SDC2: variants seen among roughly 807,000 people sequenced by gnomAD.
The protein encoded by SDC2 is syndecan 2.
In SDC2, 13 loss-of-function variants were observed where a neutral mutation model predicts 22.2. The observed-to-expected ratio is 0.59, with a 90% CI of 0.38 to 0.93. SDC2 has a LOEUF of 0.93. Among genes scored for constraint, SDC2 ranks in the 40% least tolerant of loss-of-function variants. The pLI, the probability that SDC2 is intolerant of heterozygous loss-of-function variation, is 0.00. For missense variants in SDC2, 235 were observed against 246.8 expected (o/e 0.95, Z 0.32); for synonymous variants, 94 against 92.8 (o/e 1.01, Z -0.07).
At chr8:96,538,478 TAA>T (rs201690146) in intron 1 of SDC2, among the ~76,000 whole-genome samples, 7,336 of 152,196 alleles carry the variant, frequency 0.048, 606 homozygotes, top group African/African-American at 0.16. Context: ...CTGAAGCTTT[TAA>T]AGTCCAATGT....
chr8:96,593,143 A>G (rs2130633058), intron 1 of SDC2, among the ~76,000 whole-genome samples: 1 of 152,396 alleles, frequency 6.6e-6, no homozygotes, highest in African/African-American at 2.4e-5. Context: ...AGAATGCCCA[A>G]GATGGCTTAT....
At position 96,545,140 on chromosome 8, in the gene SDC2, G is replaced by A. The variant is rs534174023; in HGVS notation, c.61-48340G>A. Among the ~76,000 whole-genome samples the A allele has an allele frequency of 2.6e-5, 4 of 152,252 alleles. No individual in the cohort carries two copies. The South Asian group carries it at 8.3e-4, about 32-fold the overall frequency. On this transcript the variant is annotated intron_variant, in intron 1 of 4. Coordinates refer to ENST00000302190, the MANE Select transcript of SDC2 (RefSeq NM_002998.4). ...TGTCATTGCATTAGCTGAGAGAACA[G>A]GTTTTAAGATTTTTAACTCTTCTCT...
intron 2 of SDC2, among the ~76,000 whole-genome samples, chr8:96,595,676 A>G (rs552253400): frequency 6.6e-6 from 1 of 152,304 alleles, no homozygotes; most frequent in South Asian, 2.1e-4. Flanking sequence ...GCTAAGGTTG[A>G]CCTTAAGTCT....
At chr8:96,601,062 G>A (rs906987769) in intron 2 of SDC2, among the ~76,000 whole-genome samples, 45 of 152,294 alleles carry the variant, frequency 3.0e-4, no homozygotes, top group Admixed American at 2.3e-3. Context: ...AGAATAGCCA[G>A]AGAGGTGAGG....
chr8:96,598,607 A>T (rs1260515875), intron 2 of SDC2, among the ~76,000 whole-genome samples: 1 of 152,000 alleles, frequency 6.6e-6, no homozygotes, highest in Non-Finnish European at 1.5e-5. Context: ...GACGAGCAAA[A>T]TTCCATCTCA....
At position 96,532,412 on chromosome 8, in the gene SDC2, G is replaced by GTTTTTTTTTTTTTTTTTTTTTT. The variant is rs35452131; in HGVS notation, c.60+38083_60+38104dup. On this transcript the variant is annotated intron_variant, in intron 1 of 4. Transcript: ENST00000302190. ...CCTGAGTCTCTCTGCTTATTGAGGC[G>GTTTTTTTTTTTTTTTTTTTTTT]TTTTTTTTTTTTTTTTTTTTTTTGG... 3.8e-4 allele frequency among the ~76,000 whole-genome samples: 18 copies of GTTTTTTTTTTTTTTTTTTTTTT among 47,944 alleles called. 4 individuals carry two copies. The highest frequency in any genetic ancestry group is 1.9e-3 in the African/African-American group (18 of 9,556). 31.5% of individuals were successfully genotyped at this position (47,944 alleles called of 152,430 possible). A position where few individuals can be genotyped will look rare whatever the true frequency, so the allele number is the denominator to read the frequency against.
intron 1 of SDC2, among the ~76,000 whole-genome samples, chr8:96,542,914 T>C (rs1813875147): frequency 6.6e-6 from 1 of 152,182 alleles, no homozygotes; most frequent in African/African-American, 2.4e-5. Context: ...TGATAAATAT[T>C]ATTGCTATCC....
At chr8:96,509,755 T>G (rs942431399) in intron 1 of SDC2, among the ~76,000 whole-genome samples, 1 of 152,176 alleles carries the variant, frequency 6.6e-6, no homozygotes, top group Admixed American at 6.5e-5. Flanking sequence ...AGGTAAGATT[T>G]TGTATTCTTA....
chr8:96,608,444 T>G lies in SDC2; in HGVS notation c.416T>G (p.Leu139Arg). 1 of 1,613,192 alleles carries G rather than the reference T, an allele frequency of 6.2e-7. No homozygotes were observed. Residue 139 changes from leucine to arginine, a missense_variant, in exon 4 of 5, where the codon CTG (leucine) becomes CGG (arginine). Coordinates refer to ENST00000302190, the MANE Select transcript of SDC2 (RefSeq NM_002998.4). ...NVYTEKHSDSLFKRTEVLAAV... is the reference protein window; with the variant it reads ...NVYTEKHSDSRFKRTEVLAAV... ...TATACTGAGAAACACTCAGACAGTCTGTTTAAACGGACAGAAGTCCTAGCA... is the reference window on the plus strand; with the variant it reads ...TATACTGAGAAACACTCAGACAGTCGGTTTAAACGGACAGAAGTCCTAGCA...
At chr8:96,524,960 A>T (rs1412884522) in intron 1 of SDC2, among the ~76,000 whole-genome samples, 2 of 152,196 alleles carry the variant, frequency 1.3e-5, no homozygotes, top group Non-Finnish European at 2.9e-5. Context: ...TGAGTGAGAC[A>T]AGACTTTGGC....
intron 1 of SDC2, among the ~76,000 whole-genome samples, chr8:96,539,070 T>A (rs550951441): frequency 6.6e-6 from 1 of 152,260 alleles, no homozygotes; most frequent in Admixed American, 6.5e-5. Flanking sequence ...AAGCAACATA[T>A]AAATTTTGTC....
intron 1 of SDC2, among the ~76,000 whole-genome samples, chr8:96,498,996 G>A (rs1377938647): frequency 3.3e-5 from 5 of 152,090 alleles, no homozygotes; most frequent in South Asian, 2.1e-4. Context: ...AGACACCTCC[G>A]TGTCCTTGTT....
intron 1 of SDC2, among the ~76,000 whole-genome samples, chr8:96,560,322 G>C (rs1323073578): frequency 2.0e-5 from 3 of 152,122 alleles, no homozygotes; most frequent in African/African-American, 7.2e-5. Context: ...TCTTAACTTT[G>C]TGAAATTTAT....
chr8:96,549,050 G>T (rs1277348584), intron 1 of SDC2, among the ~76,000 whole-genome samples: 3 of 152,108 alleles, frequency 2.0e-5, no homozygotes, highest in Non-Finnish European at 2.9e-5. Context: ...GAACTCGAAG[G>T]TGCCTCTGTA....
Position 96,576,368 on chromosome 8 carries a change from G to GTTTTTTTTTTTTT in SDC2, c.61-17107_61-17106insTTTTTTTTTTTTT, listed in dbSNP as rs1481198542. On this transcript the variant is annotated intron_variant, in intron 1 of 4. Transcript: ENST00000302190. ...ACATAAGTTCAATAATTGGTAGTTT[G>GTTTTTTTTTTTTT]TTTTTGTTTTGTTTTGTTTTTTTTT... Among the ~76,000 whole-genome samples, 35 of 16,596 alleles carry GTTTTTTTTTTTTT rather than the reference G, an allele frequency of 2.1e-3. 3 individuals are homozygous for GTTTTTTTTTTTTT. The highest frequency in any genetic ancestry group is 4.0e-3 in the African/African-American group (32 of 8,006). 10.9% of individuals were successfully genotyped at this position (16,596 alleles called of 152,430 possible).
intron 1 of SDC2, among the ~76,000 whole-genome samples, chr8:96,589,653 C>T (rs748745620): frequency 6.6e-6 from 1 of 152,202 alleles, no homozygotes; most frequent in Non-Finnish European, 1.5e-5. Context: ...TCAGGTGATC[C>T]GCCCGCCTTG....
At chr8:96,585,777 C>T (rs1018309788) in intron 1 of SDC2, among the ~76,000 whole-genome samples, 2 of 151,980 alleles carry the variant, frequency 1.3e-5, no homozygotes, top group African/African-American at 2.4e-5. Flanking sequence ...CAGCAAGGAC[C>T]CTTTCTGAAA....
intron 2 of SDC2, among the ~76,000 whole-genome samples, chr8:96,595,309 T>C (rs1047020152): frequency 2.7e-5 from 4 of 149,406 alleles, no homozygotes; most frequent in Non-Finnish European, 4.5e-5. Context: ...ATGTTTTAAG[T>C]TGAAAAGCAG....
chr8:96,574,383 C>T (rs1448104315), intron 1 of SDC2, among the ~76,000 whole-genome samples: 3 of 152,184 alleles, frequency 2.0e-5, no homozygotes, highest in Admixed American at 2.0e-4. Context: ...AAAAGCCTAC[C>T]TGTGGTTGAT....
Sources: gnomAD v4.1 joint callset for allele counts (sites outside exome capture counted in the v4.1 genomes callset) on GRCh38, gnomAD v4.1.1 for gene constraint, MANE v1.5 for transcripts, NCBI Gene and HGNC (gene_info 2026-07-23, HGNC 2026-07-21) for gene names.